The following ADCY2 variants were observed in gnomAD, a reference collection of about 807,000 sequenced individuals.
ADCY2 encodes the protein adenylate cyclase type 2.
ADCY2 carries 31 observed loss-of-function variants against 125.2 expected under a neutral mutation model. The ratio of observed to expected loss-of-function variants is 0.25; its 90% CI spans 0.19 to 0.33. ADCY2 has a LOEUF of 0.33. ADCY2 is among the 10% of genes least tolerant of loss of function. ADCY2 has a pLI of 1.00. For missense variants in ADCY2, 904 were observed against 1,418.2 expected (o/e 0.64, Z 5.82); for synonymous variants, 512 against 548.4 (o/e 0.93, Z 0.93).
Position 7,829,177 on chromosome 5 carries a change from A to T in ADCY2, c.*2306A>T, listed in dbSNP as rs1022791637. On this transcript the variant is annotated 3_prime_UTR_variant, in exon 25 of 25. Transcript: ENST00000338316. ...CAAAAATGCAAATTCTCAGGCCCCA[A>T]CCTGAAGGAGGACCCTGAATTTGAG... is the stretch of plus-strand genomic sequence containing the variant. 7 of 152,376 alleles carry T rather than the reference A, an allele frequency of 4.6e-5. No individual in the cohort carries two copies. Among genetic ancestry groups the T allele is most frequent in the Non-Finnish European group, 1.0e-4 (7 of 68,012 alleles). 9.4% of individuals were successfully genotyped at this position (152,376 alleles called of 1,614,324 possible). A position where few individuals can be genotyped will look rare whatever the true frequency, so the allele number is the denominator to read the frequency against.
intron 4 of ADCY2, among the ~76,000 whole-genome samples, chr5:7,631,855 A>T (rs537677721): frequency 2.0e-5 from 3 of 152,244 alleles, no homozygotes; most frequent in African/African-American, 7.2e-5. Flanking sequence ...TGTGGTGGTG[A>T]GTTATTCAAA....
Position 7,716,240 on chromosome 5 carries a change from G to A in ADCY2, c.1623-917G>A, listed in dbSNP as rs868820196. On this transcript the variant is annotated intron_variant, in intron 11 of 24. Transcript: ENST00000338316. The stretch of plus-strand genomic sequence containing the variant: ...TGAATAGTGCTTTGAAAACTGAGGA[G>A]CATTTAAATACATACAATTAAGCTT... 5.9e-5 allele frequency among the ~76,000 whole-genome samples: 9 copies of A among 152,120 alleles called. No homozygotes were observed. The South Asian group carries it at 6.2e-4, about 11-fold the overall frequency.
intron 22 of ADCY2, among the ~76,000 whole-genome samples, chr5:7,816,403 A>G (rs958451668): frequency 6.6e-6 from 1 of 152,046 alleles, no homozygotes; most frequent in Admixed American, 6.6e-5. Flanking sequence ...TTTCCACTGC[A>G]CCTCCCACTG....
intron 14 of ADCY2, 101 bp from the exon 15 acceptor site, chr5:7,743,567 C>A: frequency 1.0e-6 from 1 of 1,000,312 alleles, no homozygotes; most frequent in Non-Finnish European, 1.5e-6. Flanking sequence ...TTGCAGTCTG[C>A]ATTTAATAAA....
intron 4 of ADCY2, among the ~76,000 whole-genome samples, chr5:7,673,576 C>T (rs1740013906): frequency 1.3e-5 from 2 of 152,260 alleles, no homozygotes; most frequent in South Asian, 4.1e-4. Context: ...CCACCCTGTG[C>T]CCTGCAGGAT....
At chr5:7,554,423 T>A (rs551157974) in intron 3 of ADCY2, among the ~76,000 whole-genome samples, 16 of 152,198 alleles carry the variant, frequency 1.1e-4, no homozygotes, top group Non-Finnish European at 2.4e-4. Flanking sequence ...AAGTGGTTAT[T>A]TGGGAGCTGG....
intron 16 of ADCY2, among the ~76,000 whole-genome samples, chr5:7,763,620 A>G (rs200981203): frequency 6.1e-4 from 93 of 151,842 alleles, no homozygotes; most frequent in East Asian, 1.4e-3. Flanking sequence ...GCTGCTTCCT[A>G]TTTCTATGAA....
chr5:7,397,376 T>C (rs1466269694), intron 1 of ADCY2, among the ~76,000 whole-genome samples: 1 of 151,026 alleles, frequency 6.6e-6, no homozygotes, highest in African/African-American at 2.4e-5. Flanking sequence ...AGTGTGTGGT[T>C]CAAACTTTTG....
At chr5:7,408,423 A>G (rs1046745443) in intron 1 of ADCY2, among the ~76,000 whole-genome samples, 1 of 152,044 alleles carries the variant, frequency 6.6e-6, no homozygotes, top group Non-Finnish European at 1.5e-5. Flanking sequence ...GCTGGCATAC[A>G]GTGGCACAAT....
At position 7,707,787 on chromosome 5, in the gene ADCY2, C is replaced by T. The variant is rs765658507; in HGVS notation, c.1350C>T (p.Asp450=). The T allele has an allele frequency of 1.2e-6, 2 of 1,614,058 alleles. No homozygotes were observed. Among genetic ancestry groups the T allele is most frequent in the Non-Finnish European group, 1.7e-6 (2 of 1,179,986 alleles). The change falls in exon 9 of 25, where the codon GAC becomes GAT. Residue 450 remains aspartate, a synonymous_variant. Coordinates refer to ENST00000338316, the MANE Select transcript of ADCY2 (RefSeq NM_020546.3). The part of the protein sequence containing the change: ...KVEEGDGDIR[D]PYLKQHLVKT... ...AGGAGGGAGATGGTGACATTAGGGA[C>T]CCATATTTAAAACAGCACCTGGTGA...
At chr5:7,586,616 C>G (rs1030647696) in intron 3 of ADCY2, among the ~76,000 whole-genome samples, 1 of 152,096 alleles carries the variant, frequency 6.6e-6, no homozygotes, top group Non-Finnish European at 1.5e-5. Context: ...TGACAGGAGC[C>G]CGCCGTGCAT....
intron 4 of ADCY2, among the ~76,000 whole-genome samples, chr5:7,629,157 C>T (rs140452850): frequency 1.0e-3 from 156 of 152,362 alleles, no homozygotes; most frequent in African/African-American, 3.5e-3. Flanking sequence ...TTAATGTACA[C>T]GTTAGCAGCT....
At chr5:7,471,754 G>GA (rs1742347341) in intron 2 of ADCY2, among the ~76,000 whole-genome samples, 1 of 151,718 alleles carries the variant, frequency 6.6e-6, no homozygotes, top group Admixed American at 6.6e-5. Flanking sequence ...TTGCTTGTCT[G>GA]AAAAAAAGTG....
intron 2 of ADCY2, among the ~76,000 whole-genome samples, chr5:7,446,576 A>ACATG (rs1282979876): frequency 1.3e-5 from 2 of 152,120 alleles, no homozygotes; most frequent in Non-Finnish European, 2.9e-5. Context: ...ATACATACAT[A>ACATG]CATACATAAA....
intron 22 of ADCY2, among the ~76,000 whole-genome samples, chr5:7,811,532 G>C (rs1744945003): frequency 6.6e-6 from 1 of 151,202 alleles, no homozygotes; most frequent in South Asian, 2.1e-4. Context: ...CTGTGTTTTT[G>C]CTTTCTTTTC....
intron 3 of ADCY2, among the ~76,000 whole-genome samples, chr5:7,594,583 C>G (rs1053091162): frequency 6.6e-6 from 1 of 151,940 alleles, no homozygotes; most frequent in African/African-American, 2.4e-5. Flanking sequence ...ACATTGCAGT[C>G]TTTAATTAGT....
chr5:7,611,227 TA>T (rs1737563310), intron 3 of ADCY2: 1 of 152,210 alleles, frequency 6.6e-6, no homozygotes, highest in Non-Finnish European at 1.5e-5. Flanking sequence ...GACATAGCCT[TA>T]TTAAATCATA....
intron 3 of ADCY2, among the ~76,000 whole-genome samples, chr5:7,585,704 C>G (rs1736606009): frequency 6.6e-6 from 1 of 152,186 alleles, no homozygotes; most frequent in South Asian, 2.1e-4. Context: ...CTAATCCCTT[C>G]CCCAGAATTC....
At chr5:7,434,055 A>G (rs1441900284) in intron 2 of ADCY2, among the ~76,000 whole-genome samples, 4 of 152,214 alleles carry the variant, frequency 2.6e-5, no homozygotes, top group African/African-American at 7.2e-5. Flanking sequence ...CATGACGTCA[A>G]TACAGGGAAG....
Sources: gnomAD v4.1 joint callset for allele counts (sites outside exome capture counted in the v4.1 genomes callset) on GRCh38, gnomAD v4.1.1 for gene constraint, MANE v1.5 for transcripts, NCBI Gene and HGNC (gene_info 2026-07-23, HGNC 2026-07-21) for gene names.